Variants in ZNF385D observed in about 807,000 individuals in gnomAD.
ZNF385D encodes zinc finger protein 659.
A neutral mutation model predicts 35.8 loss-of-function variants in ZNF385D; 15 were observed. That is an observed-to-expected ratio of 0.42 (90% CI 0.28 to 0.64). ZNF385D has a LOEUF of 0.64. Ranked by LOEUF, ZNF385D falls within the 30% of genes least tolerant of loss-of-function variation. The pLI is 0.23. For missense variants in ZNF385D, 474 were observed against 494.6 expected, an observed-to-expected ratio of 0.96 and a Z score of 0.39; for synonymous variants, 212 against 186.8, an observed-to-expected ratio of 1.13 and a Z score of -1.10.
At chr3:22,042,428 G>C (rs1477239200) in intron 3 of ZNF385D, among the ~76,000 whole-genome samples, 1 of 151,412 alleles carries the variant, frequency 6.6e-6, no homozygotes, top group Admixed American at 6.6e-5. Context: ...AGTTGTGATA[G>C]GGCTAAAAAA....
At chr3:22,252,737 T>TA (rs1559480243) in intron 2 of ZNF385D, among the ~76,000 whole-genome samples, 1 of 151,988 alleles carries the variant, frequency 6.6e-6, no homozygotes, top group Admixed American at 6.6e-5. Flanking sequence ...GAGCATGACA[T>TA]AAAAAAGAAT....
At chr3:22,046,797 T>G (rs1699030376) in intron 3 of ZNF385D, among the ~76,000 whole-genome samples, 1 of 152,164 alleles carries the variant, frequency 6.6e-6, no homozygotes, top group Admixed American at 6.6e-5. Context: ...GGCACTTTTC[T>G]AAGTCGAATT....
intron 3 of ZNF385D, among the ~76,000 whole-genome samples, chr3:22,079,178 C>T (rs935961396): frequency 2.0e-5 from 3 of 152,002 alleles, no homozygotes; most frequent in East Asian, 1.9e-4. Flanking sequence ...AACTTGAGTG[C>T]CACAGTACAT....
chr3:22,223,619 T>C (rs545930859), intron 2 of ZNF385D, among the ~76,000 whole-genome samples: 1 of 152,248 alleles, frequency 6.6e-6, no homozygotes, highest in African/African-American at 2.4e-5. Context: ...ATAGTGTTAA[T>C]TAAAAGCATA....
intron 3 of ZNF385D, among the ~76,000 whole-genome samples, chr3:22,038,073 T>C (rs1698447848): frequency 6.6e-6 from 1 of 152,072 alleles, no homozygotes; most frequent in Admixed American, 6.6e-5. Flanking sequence ...ATACAAAAAT[T>C]AATTCAAGAT....
intron 3 of ZNF385D, among the ~76,000 whole-genome samples, chr3:22,100,729 T>C (rs553167932): frequency 1.1e-4 from 17 of 151,674 alleles, no homozygotes; most frequent in African/African-American, 1.9e-4. Flanking sequence ...ATATACCTAA[T>C]GCTAGATGAC....
At chr3:22,235,463 T>G (rs114246093) in intron 2 of ZNF385D, among the ~76,000 whole-genome samples, 12 of 152,032 alleles carry the variant, frequency 7.9e-5, no homozygotes, top group African/African-American at 2.9e-4. Flanking sequence ...TCAATAGAAC[T>G]AAAATATTAG....
intron 3 of ZNF385D, among the ~76,000 whole-genome samples, chr3:22,009,600 G>A (rs545504466): frequency 7.5e-5 from 11 of 146,516 alleles, no homozygotes; most frequent in South Asian, 2.2e-4. Context: ...TCTAGCCTGG[G>A]CAACAGAGTG....
chr3:22,154,439 A>G (rs80094293), intron 3 of ZNF385D, among the ~76,000 whole-genome samples: 2,993 of 152,250 alleles, frequency 0.02, 97 homozygotes, highest in African/African-American at 0.065. Context: ...GGGCTTCACC[A>G]CGTAAGAAAA....
intron 2 of ZNF385D, among the ~76,000 whole-genome samples, chr3:22,176,458 G>C (rs912595664): frequency 6.6e-6 from 1 of 152,100 alleles, no homozygotes; most frequent in Admixed American, 6.6e-5. Context: ...CATTATAGAA[G>C]ACTACATAAG....
chr3:21,901,259 G>C (rs1421682483), intron 3 of ZNF385D, among the ~76,000 whole-genome samples: 1 of 152,174 alleles, frequency 6.6e-6, no homozygotes, highest in African/African-American at 2.4e-5. Context: ...TTACAGGCGT[G>C]AGCCACTTAT....
chr3:21,963,368 A>G (rs1300429505), intron 3 of ZNF385D, among the ~76,000 whole-genome samples: 1 of 152,144 alleles, frequency 6.6e-6, no homozygotes, highest in African/African-American at 2.4e-5. Context: ...ATTGTGATCA[A>G]CTCTACGTAG....
chr3:22,307,247 G>A (rs1703278458), intron 2 of ZNF385D, among the ~76,000 whole-genome samples: 1 of 152,060 alleles, frequency 6.6e-6, no homozygotes, highest in Non-Finnish European at 1.5e-5. Context: ...ATTGGAACAG[G>A]CAGAACAAGA....
intron 1 of ZNF385D, among the ~76,000 whole-genome samples, chr3:21,739,044 C>G (rs141504926): frequency 7.5e-4 from 114 of 152,246 alleles, no homozygotes; most frequent in African/African-American, 2.7e-3. Context: ...CATATCTAGC[C>G]GACTAAATGC....
intron 3 of ZNF385D, chr3:21,511,741 T>A: frequency 2.2e-6 from 1 of 456,630 alleles, no homozygotes; most frequent in Non-Finnish European, 4.4e-6. Flanking sequence ...CCAATCCAGT[T>A]CTTTTGCTTG....
intron 1 of ZNF385D, among the ~76,000 whole-genome samples, chr3:21,673,963 C>T (rs2066649825): frequency 6.6e-6 from 1 of 152,132 alleles, no homozygotes; most frequent in Middle Eastern, 3.4e-3. Flanking sequence ...GGAAATTTTA[C>T]CCATGATATC....
intron 2 of ZNF385D, among the ~76,000 whole-genome samples, chr3:22,259,532 G>C (rs1345784398): frequency 1.3e-5 from 2 of 151,904 alleles, no homozygotes; most frequent in Non-Finnish European, 2.9e-5. Context: ...CCTTGAGACA[G>C]CTGTCATATA....
intron 3 of ZNF385D, among the ~76,000 whole-genome samples, chr3:21,965,700 T>C (rs1237746711): frequency 2.0e-5 from 3 of 152,334 alleles, no homozygotes; most frequent in East Asian, 1.9e-4. Flanking sequence ...GATTTGGCAA[T>C]GTTATATCAA....
chr3:22,158,771 T>G lies in ZNF385D; in HGVS notation c.325+10046A>C, dbSNP rs544200816. Among the ~76,000 whole-genome samples the G allele has an allele frequency of 2.2e-4, 34 of 151,988 alleles. 1 individual carries two copies. The highest frequency in any genetic ancestry group is 8.2e-4 in the African/African-American group (34 of 41,488). On this transcript the variant is annotated intron_variant, in intron 3 of 5. Coordinates refer to the ZNF385D transcript ENST00000494108. Reference sequence around the variant, plus strand: ...AAGAGAAGGAGTGCCAGGCCTGGTGTAGATCTATAGAAACTAGAAGCCAGT... The same window carrying G: ...AAGAGAAGGAGTGCCAGGCCTGGTGGAGATCTATAGAAACTAGAAGCCAGT...
Sources: allele counts gnomAD v4.1 joint callset (sites outside exome capture counted in the v4.1 genomes callset), GRCh38; gene constraint gnomAD v4.1.1; transcripts MANE v1.5; gene names NCBI Gene and HGNC (gene_info 2026-07-23, HGNC 2026-07-21).